The following RALGDS variants were observed in gnomAD, a reference collection of about 807,000 sequenced individuals.
RALGDS encodes the protein ral guanine nucleotide dissociation stimulator.
A neutral mutation model predicts 99.8 loss-of-function variants in RALGDS; 44 were observed. The observed-to-expected ratio is 0.44, with a 90% CI of 0.35 to 0.57. The LOEUF (loss-of-function observed/expected upper bound fraction) is 0.57, where lower values mean the gene tolerates loss of function less well. RALGDS is among the 20% of genes least tolerant of loss of function. The pLI is 0.01. For synonymous variants in RALGDS, 529 were observed against 505.0 expected (o/e 1.05, Z -0.64); for missense variants, 1,022 against 1,203.1 (o/e 0.85, Z 2.23).
Position 133,121,105 on chromosome 9 carries a change from TCGGCGCCGCCAGCAGGCC to T in RALGDS, c.32_49del (p.Gly11_Ala16del), listed in dbSNP as rs1831913724. On this transcript the variant is annotated inframe_deletion, in exon 1 of 18. Coordinates refer to ENST00000372050, the MANE Select transcript of RALGDS (RefSeq NM_006266.4). ...CCGCCGGGAGCCCGGAAACAGCGGC[TCGGCGCCGCCAGCAGGCC>T]CGGCCGCCTCGGCCCACATGCGCTG... 4 of 1,471,534 alleles carry T rather than the reference TCGGCGCCGCCAGCAGGCC, an allele frequency of 2.7e-6. No homozygotes were observed. The highest frequency in any genetic ancestry group is 3.0e-5 in the African/African-American group (2 of 67,678). 91.2% of individuals were successfully genotyped at this position (1,471,534 alleles called of 1,614,324 possible). A position where few individuals can be genotyped will look rare whatever the true frequency, so the allele number is the denominator to read the frequency against.
At chr9:133,116,899 C>A (rs937685801) in intron 1 of RALGDS, among the ~76,000 whole-genome samples, 39 of 152,178 alleles carry the variant, frequency 2.6e-4, no homozygotes, top group African/African-American at 8.9e-4. Context: ...GAGTCCAGCC[C>A]CTTGTGGCAC....
upstream of RALGDS, among the ~76,000 whole-genome samples, chr9:133,124,622 C>T (rs1448831173): frequency 1.3e-5 from 2 of 152,196 alleles, no homozygotes; most frequent in Non-Finnish European, 2.9e-5. Context: ...GATACACATG[C>T]CCCCCTAATG....
At chr9:133,139,096 T>C (rs1384682140) in intron 1 of RALGDS, among the ~76,000 whole-genome samples, 1 of 152,128 alleles carries the variant, frequency 6.6e-6, no homozygotes, top group Non-Finnish European at 1.5e-5. Context: ...GCTTGTCACA[T>C]CTGAGCACAT....
chr9:133,148,855 C>A, intron 1 of RALGDS: 1 of 1,395,540 alleles, frequency 7.2e-7, no homozygotes, highest in Non-Finnish European at 9.8e-7. Context: ...CGTAAGCGCA[C>A]GCTCAGCGTG....
upstream of RALGDS, among the ~76,000 whole-genome samples, chr9:133,123,436 G>A (rs554482926): frequency 6.6e-6 from 1 of 152,272 alleles, no homozygotes; most frequent in Admixed American, 6.5e-5. Flanking sequence ...GTGGCCCCAA[G>A]GAGGCTGGAG....
At chr9:133,148,088 A>G (rs1436508261) in intron 1 of RALGDS, among the ~76,000 whole-genome samples, 2 of 152,102 alleles carry the variant, frequency 1.3e-5, no homozygotes, top group Non-Finnish European at 2.9e-5. Context: ...AGAACCTCCA[A>G]GAAGAAGGCA....
In RALGDS at chr9:133,102,577, A is replaced by G. The variant is rs758027606; in HGVS notation, c.1914-6T>C. 2 of 1,613,808 alleles carry G rather than the reference A, an allele frequency of 1.2e-6. No homozygotes were observed. Among genetic ancestry groups the G allele is most frequent in the Admixed American group, 1.7e-5 (1 of 60,034 alleles). On this transcript the variant is annotated splice_region_variant and splice_polypyrimidine_tract_variant and intron_variant, in intron 13 of 17. Coordinates refer to ENST00000372050, the MANE Select transcript of RALGDS (RefSeq NM_006266.4). ...GCTCGCACGACAGGTTGTAGCTATG[A>G]GCAGAGGGGCAGTGGTGTGACAACC...
At chr9:133,120,437 C>G (rs1347905433) in intron 1 of RALGDS, among the ~76,000 whole-genome samples, 10 of 141,728 alleles carry the variant, frequency 7.1e-5, no homozygotes, top group Middle Eastern at 3.7e-3. Flanking sequence ...GACCCCCCCC[C>G]CACCCCGCTC....
chr9:133,119,807 TGTTCCCCC>T, intron 1 of RALGDS, among the ~76,000 whole-genome samples: 1 of 151,884 alleles, frequency 6.6e-6, no homozygotes, highest in Non-Finnish European at 1.5e-5. Flanking sequence ...AGGCGTGTGG[TGTTCCCCC>T]ACCAAGAGCT....
At chr9:133,132,749 C>T (rs1172932749), upstream of RALGDS, among the ~76,000 whole-genome samples, 2 of 152,152 alleles carry the variant, frequency 1.3e-5, no homozygotes. Flanking sequence ...AAGCGAGTCT[C>T]CTGTCTCAGC....
chr9:133,134,240 C>G (rs1436100805), upstream of RALGDS, among the ~76,000 whole-genome samples: 1 of 152,228 alleles, frequency 6.6e-6, no homozygotes, highest in Non-Finnish European at 1.5e-5. Context: ...CCCTCTTTGG[C>G]TCTGACTAGG....
Position 133,106,072 on chromosome 9 carries a change from A to C in RALGDS, c.1518-56T>G, listed in dbSNP as rs1035960823. On this transcript the variant is annotated intron_variant, in intron 8 of 17. Coordinates refer to ENST00000372050, the MANE Select transcript of RALGDS (RefSeq NM_006266.4). The stretch of plus-strand genomic sequence containing the variant: ...GCTGGGAATGGTAGGGAGGGGTGTG[A>C]GTGCAAATCCGTTTTATTTTAGAGC... 4 of 1,385,748 alleles carry C rather than the reference A, an allele frequency of 2.9e-6. No individual in the cohort carries two copies. The African/African-American group carries it at 5.8e-5, about 20-fold the overall frequency. The allele number at this position is 1,385,748 out of a possible 1,614,324, so 85.8% of individuals were successfully genotyped here.
chr9:133,122,090 A>C (rs1831971241), upstream of RALGDS, among the ~76,000 whole-genome samples: 1 of 152,226 alleles, frequency 6.6e-6, no homozygotes, highest in Admixed American at 6.5e-5. Flanking sequence ...GGCAGAGCAC[A>C]TGGCTGCGTG....
chr9:133,101,361 G>C, intron 16 of RALGDS, 159 bp downstream of exon 16: 1 of 1,525,330 alleles, frequency 6.6e-7, no homozygotes, highest in Non-Finnish European at 9.0e-7. Context: ...GGCCAGCCTT[G>C]TCCCTGATCA....
intron 1 of RALGDS, among the ~76,000 whole-genome samples, chr9:133,140,386 T>G (rs1832498713): frequency 6.6e-6 from 1 of 152,058 alleles, no homozygotes; most frequent in South Asian, 2.1e-4. Flanking sequence ...CAAGGGTGCT[T>G]TCTTCTTTCT....
intron 1 of RALGDS, chr9:133,148,873 C>A (rs1832668956): frequency 1.3e-6 from 2 of 1,490,990 alleles, no homozygotes; most frequent in Non-Finnish European, 1.8e-6. Context: ...GTGGACGCGG[C>A]GCCGGGCTCC....
At chr9:133,133,930 C>T (rs1214218576), upstream of RALGDS, among the ~76,000 whole-genome samples, 1 of 152,216 alleles carries the variant, frequency 6.6e-6, no homozygotes. Flanking sequence ...AGAGCAGTGA[C>T]TCCTCGCGAA....
In RALGDS at chr9:133,101,654, T is replaced by G. The variant is rs146108823; in HGVS notation, c.2320A>C (p.Thr774Pro). ...ASTTPVAATR[T>P]HKRSVSGLCN... ...AGCCCTGAGACAGAGCGCTTGTGGG[T>G]GCGTGTGGCAGCCACGGGCGTGGTG... The change falls in exon 16 of 18, where the codon ACC (threonine) becomes CCC (proline). Residue 774 changes from threonine to proline, a missense_variant. Around this residue, in one of 3 missense-constraint regions of RALGDS, gnomAD observed 825 missense variants for 994.5 expected, o/e 0.83. Transcript: ENST00000372050. 10 of 1,613,836 alleles carry G rather than the reference T, an allele frequency of 6.2e-6. No individual in the cohort carries two copies. The highest frequency in any genetic ancestry group is 6.8e-6 in the Non-Finnish European group (8 of 1,180,018).
Position 133,101,616 on chromosome 9 carries a change from G to A in RALGDS, c.2358C>T (p.Ser786=), listed in dbSNP as rs988212205. ...KRSVSGLCNS[S]SALPLYNQQV... ...GCTGGTTGTAGAGCGGCAGCGCGGAGCTGGAGTTGCAGAGCCCTGAGACAG... is the reference window on the plus strand; with the variant it reads ...GCTGGTTGTAGAGCGGCAGCGCGGAACTGGAGTTGCAGAGCCCTGAGACAG... Residue 786 remains serine, a synonymous_variant, in exon 16 of 18, where the codon AGC becomes AGT. Coordinates refer to ENST00000372050, the MANE Select transcript of RALGDS (RefSeq NM_006266.4). 1.2e-6 allele frequency: 2 copies of A among 1,613,314 alleles called. No homozygotes were observed. The highest frequency in any genetic ancestry group is 1.3e-5 in the African/African-American group (1 of 74,954).
Sources: allele counts gnomAD v4.1 joint callset (sites outside exome capture counted in the v4.1 genomes callset), GRCh38; gene constraint gnomAD v4.1.1; regional missense constraint gnomAD v4.1.1; transcripts MANE v1.5; gene names NCBI Gene and HGNC (gene_info 2026-07-23, HGNC 2026-07-21).